NEDD4L: variants seen among roughly 807,000 people sequenced by gnomAD.
NEDD4L encodes the protein NEDD4 like E3 ubiquitin protein ligase.
In NEDD4L, 54 loss-of-function variants were observed where a neutral mutation model predicts 148.9. That is an observed-to-expected ratio of 0.36 (90% CI 0.29 to 0.45). NEDD4L has a LOEUF of 0.45. NEDD4L is among the 20% of genes least tolerant of loss of function. NEDD4L has a pLI of 1.00. For missense variants in NEDD4L, 856 were observed against 1,233.8 expected (o/e 0.69, Z 4.59); for synonymous variants, 433 against 440.7 (o/e 0.98, Z 0.22).
intron 2 of NEDD4L, among the ~76,000 whole-genome samples, chr18:58,179,248 GA>G (rs2038541686): frequency 6.6e-6 from 1 of 152,168 alleles, no homozygotes; most frequent in African/African-American, 2.4e-5. Context: ...TTCTTGAAGT[GA>G]GACTTCACCC....
intron 1 of NEDD4L, among the ~76,000 whole-genome samples, chr18:58,086,138 C>A (rs1308889015): frequency 1.3e-5 from 2 of 152,162 alleles, no homozygotes; most frequent in Admixed American, 1.3e-4. Flanking sequence ...GACTCTGACT[C>A]CATTGAGCTC....
At chr18:58,314,698 A>G (rs2058076429) in intron 5 of NEDD4L, 1 of 152,204 alleles carries the variant, frequency 6.6e-6, no homozygotes, top group Non-Finnish European at 1.5e-5. Context: ...AGAAATGAAA[A>G]TCTCATCAAA....
chr18:58,361,507 ATGT>A (rs1194904205), intron 19 of NEDD4L, among the ~76,000 whole-genome samples: 8 of 152,310 alleles, frequency 5.3e-5, no homozygotes, highest in Middle Eastern at 3.4e-3. Context: ...GGCAGGGCAA[ATGT>A]TGTTATTTCC....
intron 1 of NEDD4L, among the ~76,000 whole-genome samples, chr18:58,087,643 G>A (rs2083829497): frequency 6.6e-6 from 1 of 152,140 alleles, no homozygotes; most frequent in Non-Finnish European, 1.5e-5. Context: ...GAGAGGCCGA[G>A]GCGGGCGGAT....
At chr18:58,137,837 A>G (rs1317840091) in intron 1 of NEDD4L, among the ~76,000 whole-genome samples, 2 of 152,160 alleles carry the variant, frequency 1.3e-5, no homozygotes, top group African/African-American at 4.8e-5. Flanking sequence ...TGGGTGGTTT[A>G]TATACCACCA....
chr18:58,162,432 T>G (rs1017694073), intron 1 of NEDD4L, among the ~76,000 whole-genome samples: 13 of 152,052 alleles, frequency 8.5e-5, no homozygotes, highest in Non-Finnish European at 1.6e-4. Flanking sequence ...TCCTTCAGGC[T>G]TCAGCTCCAG....
chr18:58,350,701 A>T (rs1360468331), intron 17 of NEDD4L, among the ~76,000 whole-genome samples: 1 of 152,164 alleles, frequency 6.6e-6, no homozygotes, highest in Admixed American at 6.5e-5. Context: ...TTCAAACTCC[A>T]CTGTTCCATG....
At chr18:58,305,705 T>C (rs1459054893) in intron 5 of NEDD4L, among the ~76,000 whole-genome samples, 1 of 152,200 alleles carries the variant, frequency 6.6e-6, no homozygotes, top group African/African-American at 2.4e-5. Context: ...TTTTATATGG[T>C]ATACGTTCAA....
chr18:58,262,404 A>G (rs1224066926), intron 5 of NEDD4L, among the ~76,000 whole-genome samples: 1 of 152,158 alleles, frequency 6.6e-6, no homozygotes, highest in Non-Finnish European at 1.5e-5. Context: ...TGAGGCAGGT[A>G]GATCCCTTGA....
intron 8 of NEDD4L, among the ~76,000 whole-genome samples, chr18:58,324,759 G>C (rs746927242): frequency 6.6e-6 from 1 of 152,210 alleles, no homozygotes; most frequent in Non-Finnish European, 1.5e-5. Flanking sequence ...AGTCATCTTA[G>C]AGGGCAGCAC....
chr18:58,103,353 C>G (rs762190575), intron 1 of NEDD4L, among the ~76,000 whole-genome samples: 1 of 150,692 alleles, frequency 6.6e-6, no homozygotes, highest in South Asian at 2.1e-4. Context: ...GTTGCAATTA[C>G]CATGATTTAA....
At chr18:58,391,399 C>T in intron 29 of NEDD4L, 88 bp from the exon 30 acceptor site, 2 of 1,066,190 alleles carry the variant, frequency 1.9e-6, no homozygotes, top group East Asian at 2.6e-5. Context: ...CAAACCCTGC[C>T]CTGACAGTAG....
chr18:58,178,918 G>A lies in NEDD4L; in HGVS notation c.122+13057G>A, dbSNP rs187308311. 1.6e-4 allele frequency among the ~76,000 whole-genome samples: 24 copies of A among 152,290 alleles called. No individual in the cohort carries two copies. The East Asian group carries it at 3.9e-3, about 24-fold the overall frequency. On this transcript the variant is annotated intron_variant, in intron 2 of 30. Coordinates refer to ENST00000400345, the MANE Select transcript of NEDD4L (RefSeq NM_001144967.3). ...GAGAAACATGTGGAAGAAATACTGC[G>A]TTTCAAGTTTGGGAGTGGCTGGTAG...
intron 5 of NEDD4L, among the ~76,000 whole-genome samples, chr18:58,252,806 C>T (rs2048090261): frequency 6.6e-6 from 1 of 152,098 alleles, no homozygotes; most frequent in African/African-American, 2.4e-5. Context: ...ACTGTAACCT[C>T]AAACCCTTGG....
chr18:58,151,349 G>A (rs960374193), intron 1 of NEDD4L, among the ~76,000 whole-genome samples: 2 of 152,178 alleles, frequency 1.3e-5, no homozygotes, highest in African/African-American at 4.8e-5. Flanking sequence ...TCTCTTCAGT[G>A]TTGGTCCATT....
chr18:58,322,509 G>T, intron 7 of NEDD4L, 23 bp downstream of exon 7: 1 of 1,366,534 alleles, frequency 7.3e-7, no homozygotes, highest in Non-Finnish European at 1.0e-6. Context: ...GGTATGGGTG[G>T]GTGGGGATGC....
chr18:58,266,167 AT>A (rs2050192308), intron 5 of NEDD4L, among the ~76,000 whole-genome samples: 1 of 152,086 alleles, frequency 6.6e-6, no homozygotes, highest in African/African-American at 2.4e-5. Context: ...ATTTGAAAAA[AT>A]TATAATGTTG....
intron 6 of NEDD4L, among the ~76,000 whole-genome samples, chr18:58,320,899 C>A (rs894996403): frequency 3.3e-5 from 5 of 152,112 alleles, no homozygotes; most frequent in Middle Eastern, 3.2e-3. Context: ...CCATTTATTT[C>A]CTTATATATA....
chr18:58,227,794 C>G, intron 2 of NEDD4L: 7 of 743,462 alleles, frequency 9.4e-6, no homozygotes, highest in Non-Finnish European at 1.1e-5. Context: ...GCCTCTTGTT[C>G]AAACTCCCTA....
Sources: allele counts gnomAD v4.1 joint callset (sites outside exome capture counted in the v4.1 genomes callset), GRCh38; gene constraint gnomAD v4.1.1; transcripts MANE v1.5; gene names NCBI Gene and HGNC (gene_info 2026-07-23, HGNC 2026-07-21).